The following SPATA16 variants were observed in gnomAD, a reference collection of about 807,000 sequenced individuals.
The protein encoded by SPATA16 is spermatogenesis-associated protein 16.
SPATA16 carries 36 observed loss-of-function variants against 63.3 expected under a neutral mutation model. The ratio of observed to expected loss-of-function variants is 0.57; its 90% CI spans 0.44 to 0.75. The LOEUF (loss-of-function observed/expected upper bound fraction) is 0.75, where lower values mean the gene tolerates loss of function less well. Ranked by LOEUF, SPATA16 falls within the 30% of genes least tolerant of loss-of-function variation. The pLI, the probability that SPATA16 is intolerant of heterozygous loss-of-function variation, is 0.00. For synonymous variants in SPATA16, 203 were observed against 216.7 expected, an observed-to-expected ratio of 0.94 and a Z score of 0.56; for missense variants, 646 against 679.3, an observed-to-expected ratio of 0.95 and a Z score of 0.54.
intron 1 of SPATA16, among the ~76,000 whole-genome samples, chr3:173,122,314 G>A (rs920681523): frequency 2.0e-5 from 3 of 152,010 alleles, no homozygotes; most frequent in African/African-American, 7.2e-5. Flanking sequence ...ATTTCATCAA[G>A]TGTTCTGTTC....
intron 6 of SPATA16, among the ~76,000 whole-genome samples, chr3:172,946,111 A>G (rs1733278720): frequency 6.6e-6 from 1 of 152,208 alleles, no homozygotes; most frequent in Non-Finnish European, 1.5e-5. Context: ...CTGAGCTGGA[A>G]GGGAACCTGC....
chr3:173,077,283 T>C (rs1449742139), intron 2 of SPATA16, among the ~76,000 whole-genome samples: 1 of 152,198 alleles, frequency 6.6e-6, no homozygotes, highest in Non-Finnish European at 1.5e-5. Context: ...AGTTAGACTT[T>C]CTTCTTCACT....
chr3:173,075,048 G>A (rs1262503668), intron 2 of SPATA16, among the ~76,000 whole-genome samples: 1 of 148,416 alleles, frequency 6.7e-6, no homozygotes, highest in African/African-American at 2.5e-5. Flanking sequence ...TAACTTTTGA[G>A]TACTATGCTA....
intron 5 of SPATA16, among the ~76,000 whole-genome samples, chr3:172,976,414 T>C (rs1158289214): frequency 1.3e-5 from 2 of 152,074 alleles, no homozygotes; most frequent in African/African-American, 4.8e-5. Context: ...TCCAAAATTC[T>C]TCTTATACGT....
chr3:173,078,324 C>T (rs1178256569), intron 2 of SPATA16, among the ~76,000 whole-genome samples: 1 of 152,094 alleles, frequency 6.6e-6, no homozygotes, highest in Non-Finnish European at 1.5e-5. Flanking sequence ...AATACTGGCT[C>T]TTAGACAGGA....
At chr3:172,951,233 A>G (rs1252349179) in intron 6 of SPATA16, among the ~76,000 whole-genome samples, 1 of 152,172 alleles carries the variant, frequency 6.6e-6, no homozygotes, top group Non-Finnish European at 1.5e-5. Flanking sequence ...ATATAATACA[A>G]TACAGCTCTA....
intron 2 of SPATA16, among the ~76,000 whole-genome samples, chr3:173,114,543 T>C (rs747227258): frequency 6.6e-6 from 1 of 152,206 alleles, no homozygotes; most frequent in Admixed American, 6.5e-5. Context: ...AAAGGAGATA[T>C]AACCTGGCAC....
chr3:173,047,767 T>A (rs1293183709), intron 3 of SPATA16, among the ~76,000 whole-genome samples: 1 of 152,100 alleles, frequency 6.6e-6, no homozygotes, highest in African/African-American at 2.4e-5. Context: ...AACTATGGTT[T>A]CATAAAATGT....
At chr3:172,924,131 G>A in intron 8 of SPATA16, 77 bp downstream of exon 8, 2 of 1,201,928 alleles carry the variant, frequency 1.7e-6, no homozygotes, top group Non-Finnish European at 2.4e-6. Flanking sequence ...TGCACTATTT[G>A]CCATGTAAGC....
At chr3:173,056,562 G>C (rs1222726955) in intron 2 of SPATA16, among the ~76,000 whole-genome samples, 1 of 152,018 alleles carries the variant, frequency 6.6e-6, no homozygotes, top group African/African-American at 2.4e-5. Context: ...AAATTAGCTG[G>C]AAGTGGTGGC....
At chr3:172,956,312 G>T (rs755463705) in intron 6 of SPATA16, among the ~76,000 whole-genome samples, 1 of 151,922 alleles carries the variant, frequency 6.6e-6, no homozygotes, top group African/African-American at 2.4e-5. Context: ...AAATAGTAGG[G>T]ACTGGAAAAA....
At chr3:172,964,377 A>G (rs773852003) in intron 5 of SPATA16, among the ~76,000 whole-genome samples, 7 of 152,208 alleles carry the variant, frequency 4.6e-5, no homozygotes, top group Non-Finnish European at 5.9e-5. Flanking sequence ...TGCACATTAG[A>G]GAAATGCCAG....
chr3:173,080,938 C>T lies in SPATA16; in HGVS notation c.613-31844G>A, dbSNP rs1358689492. Among the ~76,000 whole-genome samples the T allele has an allele frequency of 2.6e-5, 4 of 152,158 alleles. No individual in the cohort carries two copies. The East Asian group carries it at 7.7e-4, about 29-fold the overall frequency. On this transcript the variant is annotated intron_variant, in intron 2 of 10. Coordinates refer to ENST00000351008, the MANE Select transcript of SPATA16 (RefSeq NM_031955.6). ...ACAGGCTTGGAAAGAGATACTTTCTCTGAAGGTACACTGTGAGAAGCAGCA... is the reference window on the plus strand; with the variant it reads ...ACAGGCTTGGAAAGAGATACTTTCTTTGAAGGTACACTGTGAGAAGCAGCA...
chr3:172,896,795 T>A (rs560980507), intron 10 of SPATA16, among the ~76,000 whole-genome samples: 1 of 152,268 alleles, frequency 6.6e-6, no homozygotes, highest in African/African-American at 2.4e-5. Context: ...ATCGGCTTTT[T>A]TTTTTACTCC....
intron 4 of SPATA16, among the ~76,000 whole-genome samples, chr3:173,010,945 A>C (rs1299926938): frequency 6.6e-6 from 1 of 152,116 alleles, no homozygotes; most frequent in African/African-American, 2.4e-5. Flanking sequence ...CAGTAATAAA[A>C]AACCTACCAA....
intron 4 of SPATA16, among the ~76,000 whole-genome samples, chr3:173,003,652 A>T (rs148792440): frequency 1.3e-3 from 192 of 152,304 alleles, no homozygotes; most frequent in Non-Finnish European, 2.1e-3. Flanking sequence ...GGCTGCTCAA[A>T]CTGACATAAA....
intron 4 of SPATA16, among the ~76,000 whole-genome samples, chr3:172,999,131 GTGTT>G: frequency 6.6e-6 from 1 of 152,150 alleles, no homozygotes; most frequent in Admixed American, 6.5e-5. Flanking sequence ...TCTTCCTTAT[GTGTT>G]TGTTAGAATT....
Position 172,964,191 on chromosome 3 carries a change from G to T in SPATA16, c.934-7367C>A, listed in dbSNP as rs578055931. Among the ~76,000 whole-genome samples, 5 of 152,298 alleles carry T rather than the reference G, an allele frequency of 3.3e-5. No homozygotes were observed. The South Asian group carries it at 1.0e-3, about 32-fold the overall frequency. On this transcript the variant is annotated intron_variant, in intron 5 of 10. Coordinates refer to ENST00000351008, the MANE Select transcript of SPATA16 (RefSeq NM_031955.6). The stretch of plus-strand genomic sequence containing the variant: ...TAGATTTAGGACATGCTATCAGCTG[G>T]CATGCCAGTGTTGAAAAGAAACATT...
chr3:172,988,965 T>C (rs766203185), intron 4 of SPATA16, among the ~76,000 whole-genome samples: 38 of 152,182 alleles, frequency 2.5e-4, no homozygotes, highest in Non-Finnish European at 5.6e-4. Context: ...TATATAAACA[T>C]GTGCTAATTT....
Sources: allele counts gnomAD v4.1 joint callset (sites outside exome capture counted in the v4.1 genomes callset), GRCh38; gene constraint gnomAD v4.1.1; transcripts MANE v1.5; gene names NCBI Gene and HGNC (gene_info 2026-07-23, HGNC 2026-07-21).